MRTFB: variants seen among roughly 807,000 people sequenced by gnomAD.
MRTFB encodes the protein myocardin related transcription factor B.
A neutral mutation model predicts 104.2 loss-of-function variants in MRTFB; 29 were observed. That is an observed-to-expected ratio of 0.28 (90% CI 0.21 to 0.38). MRTFB has a LOEUF of 0.38. Among genes scored for constraint, MRTFB ranks in the 10% least tolerant of loss-of-function variants. The pLI is 1.00. For missense variants in MRTFB, 1,270 were observed against 1,341.6 expected, an observed-to-expected ratio of 0.95 and a Z score of 0.83; for synonymous variants, 535 against 519.5, an observed-to-expected ratio of 1.03 and a Z score of -0.41.
chr16:14,203,622 GA>G (rs1241477406), intron 3 of MRTFB, among the ~76,000 whole-genome samples: 1 of 151,646 alleles, frequency 6.6e-6, no homozygotes, highest in African/African-American at 2.4e-5. Flanking sequence ...GTCAACATAG[GA>G]AAACCCCGTC....
chr16:14,048,045 G>A, the MRTFB span, among the ~76,000 whole-genome samples: 1 of 152,178 alleles, frequency 6.6e-6, no homozygotes, highest in Non-Finnish European at 1.5e-5. Context: ...AGATACAATG[G>A]GGGTACAGGC....
chr16:14,184,919 A>G (rs1482989031), intron 3 of MRTFB, among the ~76,000 whole-genome samples: 2 of 152,230 alleles, frequency 1.3e-5, no homozygotes, highest in Non-Finnish European at 2.9e-5. Context: ...TAAAATGTCT[A>G]TAGCATACAC....
intron 3 of MRTFB, among the ~76,000 whole-genome samples, chr16:14,188,752 C>T (rs1229494309): frequency 6.6e-6 from 1 of 152,148 alleles, no homozygotes; most frequent in Non-Finnish European, 1.5e-5. Context: ...GAAACAATAC[C>T]TACTTCATAG....
At chr16:14,199,115 C>T (rs2040568018) in intron 3 of MRTFB, among the ~76,000 whole-genome samples, 1 of 152,208 alleles carries the variant, frequency 6.6e-6, no homozygotes, top group Non-Finnish European at 1.5e-5. Flanking sequence ...ACCTGACTTA[C>T]ATCCATCACT....
chr16:14,186,811 A>G (rs994984041), intron 3 of MRTFB: 7 of 1,571,956 alleles, frequency 4.5e-6, no homozygotes, highest in South Asian at 2.3e-5. Context: ...GTGGGGAGCA[A>G]CCAGGGACCC....
At chr16:14,176,635 T>TA (rs1320845343) in intron 3 of MRTFB, among the ~76,000 whole-genome samples, 6 of 152,194 alleles carry the variant, frequency 3.9e-5, no homozygotes, top group Non-Finnish European at 7.3e-5. Context: ...CATACTAAGT[T>TA]AAAAAATCTG....
chr16:14,246,241 G>A (rs190126741), intron 11 of MRTFB, among the ~76,000 whole-genome samples: 53 of 152,236 alleles, frequency 3.5e-4, no homozygotes, highest in African/African-American at 1.2e-3. Context: ...CTGCTTTGAC[G>A]TAAAAGCGGA....
At chr16:14,178,266 T>C (rs1844251106) in intron 3 of MRTFB, among the ~76,000 whole-genome samples, 1 of 152,108 alleles carries the variant, frequency 6.6e-6, no homozygotes, top group African/African-American at 2.4e-5. Flanking sequence ...GATCTCAATA[T>C]TGGTAGCGAA....
At chr16:14,162,184 A>C (rs931352802) in intron 3 of MRTFB, among the ~76,000 whole-genome samples, 4 of 149,086 alleles carry the variant, frequency 2.7e-5, no homozygotes, top group Middle Eastern at 3.5e-3. Context: ...ATTATTTTTT[A>C]ATAGCCAAGC....
chr16:14,010,836 A>C, the MRTFB span, among the ~76,000 whole-genome samples: 1 of 152,218 alleles, frequency 6.6e-6, no homozygotes, highest in African/African-American at 2.4e-5. Flanking sequence ...TTTACTTCCT[A>C]TTTGCACTAG....
At chr16:14,258,002 T>C in intron 15 of MRTFB, 99 bp from the exon 16 acceptor site, 1 of 1,014,392 alleles carries the variant, frequency 9.9e-7, no homozygotes, top group Non-Finnish European at 1.5e-6. Context: ...CACGATAGAT[T>C]AGAACTAAAT....
the MRTFB span, among the ~76,000 whole-genome samples, chr16:14,011,156 C>T: frequency 5.9e-5 from 9 of 152,186 alleles, no homozygotes; most frequent in Non-Finnish European, 1.2e-4. Context: ...AATTGTTGGG[C>T]GATGTCATCC....
At chr16:14,110,206 AC>A (rs1300101169) in intron 2 of MRTFB, among the ~76,000 whole-genome samples, 1 of 152,206 alleles carries the variant, frequency 6.6e-6, no homozygotes, top group Non-Finnish European at 1.5e-5. Flanking sequence ...GTAAAGCCAG[AC>A]CAGCAGCCTT....
At chr16:14,012,791 C>A in the MRTFB span, among the ~76,000 whole-genome samples, 1 of 152,100 alleles carries the variant, frequency 6.6e-6, no homozygotes, top group Non-Finnish European at 1.5e-5. Context: ...CATACTCTAA[C>A]CCCTCTGCCT....
intron 2 of MRTFB, among the ~76,000 whole-genome samples, chr16:14,136,009 G>A (rs1298220198): frequency 1.3e-5 from 2 of 152,222 alleles, no homozygotes; most frequent in Admixed American, 6.5e-5. Context: ...GGTGGCTCAT[G>A]CCTGTAATTC....
At chr16:14,093,220 T>C (rs1270020414) in intron 2 of MRTFB, among the ~76,000 whole-genome samples, 2 of 150,896 alleles carry the variant, frequency 1.3e-5, no homozygotes, top group Admixed American at 1.3e-4. Flanking sequence ...ATATAAAGAG[T>C]GATATTCATA....
At chr16:14,044,558 C>CAGGACT in the MRTFB span, among the ~76,000 whole-genome samples, 1 of 152,118 alleles carries the variant, frequency 6.6e-6, no homozygotes, top group South Asian at 2.1e-4. Context: ...TTCTGTGTAC[C>CAGGACT]AGGACTAAAC....
chr16:14,072,803 C>A (rs2033797042), intron 1 of MRTFB, among the ~76,000 whole-genome samples: 1 of 152,170 alleles, frequency 6.6e-6, no homozygotes, highest in Non-Finnish European at 1.5e-5. Context: ...CATGGCAAGA[C>A]AAATAACAGA....
chr16:14,049,770 G>A, the MRTFB span, among the ~76,000 whole-genome samples: 9 of 152,334 alleles, frequency 5.9e-5, no homozygotes, highest in African/African-American at 1.9e-4. Context: ...TGTCACTCTT[G>A]TTGCCAGGCT....
Sources: allele counts gnomAD v4.1 joint callset (sites outside exome capture counted in the v4.1 genomes callset), GRCh38; gene constraint gnomAD v4.1.1; transcripts MANE v1.5; gene names NCBI Gene and HGNC (gene_info 2026-07-23, HGNC 2026-07-21).